PGBD2: variants seen among roughly 807,000 people sequenced by gnomAD.
The protein encoded by PGBD2 is piggyBac transposable element-derived protein 2.
PGBD2 carries 6 observed loss-of-function variants against 8.1 expected under a neutral mutation model. That is an observed-to-expected ratio of 0.74 (90% CI 0.40 to 1.46). PGBD2 has a LOEUF of 1.46. Ranked by LOEUF, PGBD2 falls within the 40% of genes most tolerant of loss-of-function variation. PGBD2 has a pLI of 0.02. For synonymous variants in PGBD2, 318 were observed against 272.2 expected (o/e 1.17, Z -1.66); for missense variants, 802 against 739.0 (o/e 1.09, Z -0.99).
rs564969536 is a variant in PGBD2, at chr1:248,918,458, C to T, written c.*95C>T. 3.8e-5 allele frequency: 48 copies of T among 1,259,236 alleles called. No individual in the cohort carries two copies. In the African/African-American group the frequency reaches 5.9e-4, roughly 15 times the overall value. 78.0% of individuals were successfully genotyped at this position (1,259,236 alleles called of 1,614,324 possible). A position where few individuals can be genotyped will look rare whatever the true frequency, so the allele number is the denominator to read the frequency against. On this transcript the variant is annotated 3_prime_UTR_variant, in exon 3 of 3. Coordinates refer to ENST00000329291, the MANE Select transcript of PGBD2 (RefSeq NM_170725.3). ...TTCTGTTTTGTGTTGGAAAAAAGAC[C>T]TGAATTTCTAATGACTTGATTTTCT...
chr1:248,920,668 A>T (rs1662266012), downstream of PGBD2, among the ~76,000 whole-genome samples: 1 of 152,174 alleles, frequency 6.6e-6, no homozygotes, highest in Admixed American at 6.5e-5. Flanking sequence ...CAGTAATGAG[A>T]TTGCTGGGTC....
rs919556542 is a variant in PGBD2, at chr1:248,906,265, A to T, written c.-125A>T. The T allele has an allele frequency of 6.6e-6, 1 of 151,868 alleles. No individual in the cohort carries two copies. The highest frequency in any genetic ancestry group is 2.4e-5 in the African/African-American group (1 of 41,350). 9.4% of individuals were successfully genotyped at this position (151,868 alleles called of 1,614,324 possible). On this transcript the variant is annotated 5_prime_UTR_variant, in exon 1 of 3. Transcript: ENST00000329291. ...TTGCGCGGCCGCGACGCCCGACGCC[A>T]ACGCAGGCGCAGCGCTCCGATTCGG... is the stretch of plus-strand genomic sequence containing the variant.
chr1:248,908,050 G>C (rs1431404563), intron 1 of PGBD2, among the ~76,000 whole-genome samples: 1 of 151,928 alleles, frequency 6.6e-6, no homozygotes, highest in Non-Finnish European at 1.5e-5. Context: ...GATTTCCTAG[G>C]GGTTAACATC....
chr1:248,893,677 T>C, the PGBD2 span, among the ~76,000 whole-genome samples: 1 of 152,364 alleles, frequency 6.6e-6, no homozygotes, highest in East Asian at 1.9e-4. Flanking sequence ...TCTTGGCTAT[T>C]GTGGATAATG....
the PGBD2 span, among the ~76,000 whole-genome samples, chr1:248,893,500 A>T: frequency 6.6e-6 from 1 of 152,206 alleles, no homozygotes; most frequent in African/African-American, 2.4e-5. Flanking sequence ...GACTTATTTC[A>T]TTTAGTATCA....
At chr1:248,911,402 C>T (rs182792056) in intron 1 of PGBD2, among the ~76,000 whole-genome samples, 4,906 of 150,302 alleles carry the variant, frequency 0.033, 111 homozygotes, top group Non-Finnish European at 0.046. Context: ...TGAGTGGACA[C>T]AGCACATGTT....
At chr1:248,910,174 A>G (rs181257175) in intron 1 of PGBD2, among the ~76,000 whole-genome samples, 1 of 152,350 alleles carries the variant, frequency 6.6e-6, no homozygotes, top group Admixed American at 6.5e-5. Flanking sequence ...ATACTGATGC[A>G]TCCTTAATCA....
chr1:248,873,850 C>A, the PGBD2 span, among the ~76,000 whole-genome samples: 1 of 152,166 alleles, frequency 6.6e-6, no homozygotes, highest in East Asian at 1.9e-4. Context: ...GCTCTGCTTC[C>A]GAGTGTCAGG....
In PGBD2 at chr1:248,918,429, G is replaced by C; in HGVS notation, c.*66G>C. The stretch of plus-strand genomic sequence containing the variant: ...ACAGTTAAATACAGATGGCAGTTGA[G>C]CACTTCTGTTTTGTGTTGGAAAAAA... On this transcript the variant is annotated 3_prime_UTR_variant, in exon 3 of 3. Coordinates refer to ENST00000329291, the MANE Select transcript of PGBD2 (RefSeq NM_170725.3). 4 of 1,459,852 alleles carry C rather than the reference G, an allele frequency of 2.7e-6. No individual in the cohort carries two copies. Among genetic ancestry groups the C allele is most frequent in the Non-Finnish European group, 3.7e-6 (4 of 1,090,088 alleles). The allele number at this position is 1,459,852 out of a possible 1,614,324, so 90.4% of individuals were successfully genotyped here. A position where few individuals can be genotyped will look rare whatever the true frequency, so the allele number is the denominator to read the frequency against.
the PGBD2 span, among the ~76,000 whole-genome samples, chr1:248,890,951 C>T: frequency 1.3e-5 from 2 of 151,592 alleles, no homozygotes; most frequent in Non-Finnish European, 2.9e-5. Flanking sequence ...GACACAGCCA[C>T]ACCTCTCTAC....
At chr1:248,909,916 T>A (rs539144763) in intron 1 of PGBD2, among the ~76,000 whole-genome samples, 1 of 152,178 alleles carries the variant, frequency 6.6e-6, no homozygotes. Flanking sequence ...TGAATGGCTT[T>A]GATTTTATTT....
Position 248,918,199 on chromosome 1 carries a change from A to G in PGBD2, c.1615A>G (p.Arg539Gly), listed in dbSNP as rs372006683. The change falls in exon 3 of 3, where the codon AGG becomes GGG. Residue 539 changes from arginine (R) to glycine (G), a missense_variant. Transcript: ENST00000329291. ...ADTTSQGRRS[R>G]RLETESRFDM... ...CACAACATCTCAAGGGAGGCGAAGC[A>G]GGCGGTTGGAGACTGAGAGCCGCTT... 2 of 1,614,198 alleles carry G rather than the reference A, an allele frequency of 1.2e-6. No individual in the cohort carries two copies. Among genetic ancestry groups the G allele is most frequent in the African/African-American group, 1.3e-5 (1 of 75,054 alleles).
At chr1:248,904,453 T>A (rs1661585080), upstream of PGBD2, among the ~76,000 whole-genome samples, 1 of 152,004 alleles carries the variant, frequency 6.6e-6, no homozygotes, top group Non-Finnish European at 1.5e-5. Flanking sequence ...TTGGTCCCGA[T>A]CTTTTTATTA....
chr1:248,900,282 A>C, the PGBD2 span, among the ~76,000 whole-genome samples: 1 of 152,060 alleles, frequency 6.6e-6, no homozygotes, highest in Non-Finnish European at 1.5e-5. Flanking sequence ...GAAATACAAC[A>C]ACAACAAAAA....
At chr1:248,905,257 T>C (rs1467027073), upstream of PGBD2, among the ~76,000 whole-genome samples, 1 of 151,826 alleles carries the variant, frequency 6.6e-6, no homozygotes, top group African/African-American at 2.4e-5. Flanking sequence ...GAAGTGTCAG[T>C]GTGGAGAAGC....
At chr1:248,883,584 C>CTTTTTTTTTTTTTTTT in the PGBD2 span, among the ~76,000 whole-genome samples, 11 of 89,142 alleles carry the variant, frequency 1.2e-4, no homozygotes, top group South Asian at 3.6e-4. Context: ...TTTTTTTTTT[C>CTTTTTTTTTTTTTTTT]TTTTTTTTTT....
downstream of PGBD2, among the ~76,000 whole-genome samples, chr1:248,924,816 G>A (rs1008882881): frequency 1.3e-5 from 2 of 152,140 alleles, no homozygotes; most frequent in African/African-American, 4.8e-5. Context: ...CACTGGCCCC[G>A]GCACTGGAGG....
chr1:248,898,423 G>T, the PGBD2 span, among the ~76,000 whole-genome samples: 1 of 152,120 alleles, frequency 6.6e-6, no homozygotes, highest in Non-Finnish European at 1.5e-5. Context: ...CAAAGTGCTG[G>T]GATTACAGGC....
chr1:248,874,119 C>T, the PGBD2 span, among the ~76,000 whole-genome samples: 2 of 152,136 alleles, frequency 1.3e-5, no homozygotes, highest in African/African-American at 4.8e-5. Flanking sequence ...GGCTACCTAC[C>T]AAGGGGAGGG....
Sources: gnomAD v4.1 joint callset for allele counts (sites outside exome capture counted in the v4.1 genomes callset) on GRCh38, gnomAD v4.1.1 for gene constraint, MANE v1.5 for transcripts, NCBI Gene and HGNC (gene_info 2026-07-23, HGNC 2026-07-21) for gene names.